PCDHA9: variants seen among roughly 807,000 people sequenced by gnomAD.
The protein encoded by PCDHA9 is protocadherin alpha-9.
PCDHA9 carries 62 observed loss-of-function variants against 62.0 expected under a neutral mutation model. The ratio of observed to expected loss-of-function variants is 1.00; its 90% CI spans 0.81 to 1.23. PCDHA9 has a LOEUF of 1.23. Ranked by LOEUF, PCDHA9 falls within the 50% of genes most tolerant of loss-of-function variation. The pLI is 0.00. For missense variants in PCDHA9, 1,205 were observed against 1,249.8 expected, an observed-to-expected ratio of 0.96 and a Z score of 0.54; for synonymous variants, 557 against 567.6, an observed-to-expected ratio of 0.98 and a Z score of 0.27.
intron 1 of PCDHA9, chr5:140,858,628 C>T (rs574787408): frequency 1.8e-6 from 2 of 1,091,216 alleles, no homozygotes; most frequent in South Asian, 3.4e-5. Context: ...CCCAGTGTGT[C>T]AGCCTTTGAT....
chr5:140,917,440 C>A (rs913046487), intron 1 of PCDHA9, among the ~76,000 whole-genome samples: 1 of 151,666 alleles, frequency 6.6e-6, no homozygotes, highest in Non-Finnish European at 1.5e-5. Flanking sequence ...TTTGTTTTTG[C>A]TGCAAGAGCG....
intron 1 of PCDHA9, among the ~76,000 whole-genome samples, chr5:140,890,543 C>T (rs1388914629): frequency 6.6e-6 from 1 of 152,012 alleles, no homozygotes; most frequent in Non-Finnish European, 1.5e-5. Context: ...TTTGAAATGA[C>T]TGAGTACTTT....
chr5:140,978,642 C>T (rs140934683), intron 1 of PCDHA9, among the ~76,000 whole-genome samples: 126 of 152,354 alleles, frequency 8.3e-4, no homozygotes, highest in African/African-American at 2.8e-3. Context: ...TCAAAGCAGA[C>T]TGTTCTTCCC....
chr5:140,876,378 T>A, intron 1 of PCDHA9: 1 of 1,613,948 alleles, frequency 6.2e-7, no homozygotes, highest in Non-Finnish European at 8.5e-7. Context: ...CAGGTGAAAT[T>A]AGAATTTATG....
chr5:140,877,268 C>T, intron 1 of PCDHA9: 1 of 1,613,828 alleles, frequency 6.2e-7, no homozygotes, highest in South Asian at 1.1e-5. Flanking sequence ...GCGGTGGACG[C>T]TGACTCCGGC....
chr5:140,927,574 G>T, intron 1 of PCDHA9: 1 of 1,614,168 alleles, frequency 6.2e-7, no homozygotes, highest in Non-Finnish European at 8.5e-7. Flanking sequence ...GGACACAAAT[G>T]ACAACGCGCC....
intron 1 of PCDHA9, among the ~76,000 whole-genome samples, chr5:140,873,949 C>G (rs1161044001): frequency 1.3e-5 from 2 of 152,218 alleles, no homozygotes; most frequent in Non-Finnish European, 1.5e-5. Flanking sequence ...GTGTAAGTCA[C>G]TGAGCCCAGC....
Position 141,005,701 on chromosome 5 carries a change from C to CAAA in PCDHA9, c.2543-3898_2543-3896dup, listed in dbSNP as rs59860837. ...TGGGCGACAGAGCGAAACTCCGTCTCAAAAAAAAAAAAAAAAAAAAAAAAA... is the reference window on the plus strand; with the variant it reads ...TGGGCGACAGAGCGAAACTCCGTCTCAAAAAAAAAAAAAAAAAAAAAAAAAAAA... On this transcript the variant is annotated intron_variant, in intron 3 of 3. Transcript: ENST00000532602. Among the ~76,000 whole-genome samples the CAAA allele has an allele frequency of 9.1e-3, 71 of 7,774 alleles. 6 individuals are homozygous for CAAA. Among genetic ancestry groups the CAAA allele is most frequent in the Non-Finnish European group, 0.012 (43 of 3,684 alleles). 5.1% of individuals were successfully genotyped at this position (7,774 alleles called of 152,430 possible).
At chr5:141,005,953 A>G (rs1036085493) in intron 3 of PCDHA9, among the ~76,000 whole-genome samples, 1 of 152,052 alleles carries the variant, frequency 6.6e-6, no homozygotes, top group Non-Finnish European at 1.5e-5. Context: ...TCTCTAACAA[A>G]CAACAATAAA....
intron 1 of PCDHA9, among the ~76,000 whole-genome samples, chr5:140,936,053 C>A (rs576745037): frequency 1.3e-5 from 2 of 151,934 alleles, no homozygotes; most frequent in African/African-American, 4.8e-5. Context: ...CCACCACACC[C>A]GGCTAATTTT....
At chr5:140,882,871 C>T in intron 1 of PCDHA9, 1 of 1,614,164 alleles carries the variant, frequency 6.2e-7, no homozygotes, top group East Asian at 2.2e-5. Flanking sequence ...AAACACTGGA[C>T]AGAGAGGAAA....
chr5:140,968,702 A>G, intron 1 of PCDHA9: 3 of 1,614,178 alleles, frequency 1.9e-6, no homozygotes, highest in Non-Finnish European at 2.5e-6. Flanking sequence ...TAGGACTACC[A>G]GGAAGATGGG....
intron 1 of PCDHA9, chr5:140,858,182 A>T: frequency 6.3e-7 from 1 of 1,597,504 alleles, no homozygotes. Flanking sequence ...GCTGGTGCTC[A>T]CGCTGCTGCT....
intron 1 of PCDHA9, among the ~76,000 whole-genome samples, chr5:140,936,458 G>A (rs963270336): frequency 2.6e-5 from 4 of 152,046 alleles, no homozygotes; most frequent in Non-Finnish European, 4.4e-5. Flanking sequence ...TCTGTTTAGT[G>A]GTTGCTGTAG....
chr5:140,853,989 C>T (rs2042932367), intron 1 of PCDHA9: 1 of 494,686 alleles, frequency 2.0e-6, no homozygotes, highest in Non-Finnish European at 2.7e-6. Context: ...TGTAGTGAGA[C>T]TCATCTCTGC....
intron 3 of PCDHA9, among the ~76,000 whole-genome samples, chr5:140,998,180 A>C (rs2097799784): frequency 6.6e-6 from 1 of 152,122 alleles, no homozygotes; most frequent in East Asian, 1.9e-4. Context: ...TATTCTAAGC[A>C]CTTTACAAGT....
chr5:140,924,901 A>AATAAAAT lies in PCDHA9; in HGVS notation c.2395-54047_2395-54046insTAAAATA, dbSNP rs145282866. On this transcript the variant is annotated intron_variant, in intron 1 of 3. Transcript: ENST00000532602. The stretch of plus-strand genomic sequence containing the variant: ...CAGAGCAAGAACCTGTCTCAAAAAA[A>AATAAAAT]AAAATAAAATAAAATAAAATAAAAT... 2.3e-3 allele frequency among the ~76,000 whole-genome samples: 186 copies of AATAAAAT among 80,480 alleles called. 2 individuals carry two copies. The highest frequency in any genetic ancestry group is 0.012 in the Middle Eastern group (2 of 162). The allele number at this position is 80,480 out of a possible 152,430, so 52.8% of individuals were successfully genotyped here. A position where few individuals can be genotyped will look rare whatever the true frequency, so the allele number is the denominator to read the frequency against.
At chr5:140,877,748 G>T in intron 1 of PCDHA9, 1 of 1,614,188 alleles carries the variant, frequency 6.2e-7, no homozygotes, top group Non-Finnish European at 8.5e-7. Flanking sequence ...CAGAGGGTGT[G>T]CTCTGCAGAG....
At chr5:140,850,961 G>A in intron 1 of PCDHA9, 72 bp downstream of exon 1, 1 of 1,476,304 alleles carries the variant, frequency 6.8e-7, no homozygotes, top group Non-Finnish European at 9.1e-7. Flanking sequence ...TACTCCCAGG[G>A]GCCGTTCAAA....
Sources: allele counts gnomAD v4.1 joint callset (sites outside exome capture counted in the v4.1 genomes callset), GRCh38; gene constraint gnomAD v4.1.1; transcripts MANE v1.5; gene names NCBI Gene and HGNC (gene_info 2026-07-23, HGNC 2026-07-21).